Variants in CHFR observed in about 807,000 individuals in gnomAD.
CHFR encodes checkpoint with forkhead and ring finger domains, also known as E3 ubiquitin-protein ligase CHFR.
CHFR carries 57 observed loss-of-function variants against 87.6 expected under a neutral mutation model. That is an observed-to-expected ratio of 0.65 (90% CI 0.53 to 0.81). CHFR has a LOEUF of 0.81. Ranked by LOEUF, CHFR falls within the 30% of genes least tolerant of loss-of-function variation. The pLI, the probability that CHFR is intolerant of heterozygous loss-of-function variation, is 0.00. For missense variants in CHFR, 797 were observed against 865.8 expected (o/e 0.92, Z 1.00); for synonymous variants, 381 against 359.2 (o/e 1.06, Z -0.69).
At position 132,880,618 on chromosome 12, in the gene CHFR, A is replaced by G. The variant is rs201503848; in HGVS notation, c.134-2964T>C. Among the ~76,000 whole-genome samples, 119 of 151,060 alleles carry G rather than the reference A, an allele frequency of 7.9e-4. 3 individuals carry two copies. In the East Asian group the frequency reaches 8.5e-3, roughly 11 times the overall value. On this transcript the variant is annotated intron_variant, in intron 2 of 17. Transcript: ENST00000450056. Reference sequence around the variant, plus strand: ...GCTTGCAGTGAGCCAAGATGGTGCCACTGCACTCCAGCCTGGGCAACAGAG... The same window carrying G: ...GCTTGCAGTGAGCCAAGATGGTGCCGCTGCACTCCAGCCTGGGCAACAGAG...
intron 7 of CHFR, among the ~76,000 whole-genome samples, chr12:132,860,796 C>T (rs916117884): frequency 6.6e-6 from 1 of 152,110 alleles, no homozygotes; most frequent in Admixed American, 6.6e-5. Context: ...CTTGTTGCCC[C>T]GGCTGCAGTG....
rs1332092837 is a variant in CHFR at position 132,847,531 on chromosome 12, T to C, written c.1648-401A>G. ...AACACACACGAGCTGTTGAGCTCCTTCTGTGGGCATCAAAGCAGAGTGTGG... is the reference window on the plus strand; with the variant it reads ...AACACACACGAGCTGTTGAGCTCCTCCTGTGGGCATCAAAGCAGAGTGTGG... On this transcript the variant is annotated intron_variant, in intron 14 of 17. Coordinates refer to ENST00000450056, the MANE Select transcript of CHFR (RefSeq NM_001161346.2). 8 of 1,075,616 alleles carry C rather than the reference T, an allele frequency of 7.4e-6. No homozygotes were observed. The East Asian group carries it at 5.1e-4, about 68-fold the overall frequency. 66.6% of individuals were successfully genotyped at this position (1,075,616 alleles called of 1,614,324 possible). A position where few individuals can be genotyped will look rare whatever the true frequency, so the allele number is the denominator to read the frequency against.
rs1950633709 is a variant in CHFR at position 132,834,593 on chromosome 12, T to A, written c.*6961A>T. 6.6e-6 allele frequency: 1 copy of A among 152,272 alleles called. No homozygotes were observed. The highest frequency in any genetic ancestry group is 2.4e-5 in the African/African-American group (1 of 41,448). The allele number at this position is 152,272 out of a possible 1,614,324, so 9.4% of individuals were successfully genotyped here. A position where few individuals can be genotyped will look rare whatever the true frequency, so the allele number is the denominator to read the frequency against. ...CTGCAGGGAGATCTGTTTTCTTTTC[T>A]GCTTCGACAGCCTGCCCTCCTCTCC... is the stretch of plus-strand genomic sequence containing the variant. On this transcript the variant is annotated 3_prime_UTR_variant, in exon 18 of 18. Transcript: ENST00000450056.
chr12:132,841,600 C>T lies in CHFR; in HGVS notation c.1917-4G>A. The T allele has an allele frequency of 1.2e-6, 2 of 1,613,382 alleles. No homozygotes were observed. The highest frequency in any genetic ancestry group is 1.7e-6 in the Non-Finnish European group (2 of 1,179,374). On this transcript the variant is annotated splice_region_variant and splice_polypyrimidine_tract_variant and intron_variant, in intron 17 of 17. Transcript: ENST00000450056. ...TTCACAGATATGATTGAATTTCCTG[C>T]AGGGAGAAAATGGCCAAATTACACA... is the stretch of plus-strand genomic sequence containing the variant.
chr12:132,868,675 G>T (rs11147122), intron 6 of CHFR, among the ~76,000 whole-genome samples: 2 of 109,420 alleles, frequency 1.8e-5, no homozygotes, highest in African/African-American at 6.4e-5. Context: ...GCGAGACTCC[G>T]TCTCAACAAC....
rs956973617 is a variant in CHFR, at chr12:132,877,613, C to G, written c.175G>C (p.Asp59His). The G allele has an allele frequency of 6.2e-7, 1 of 1,613,628 alleles. No individual in the cohort carries two copies. The highest frequency in any genetic ancestry group is 8.5e-7 in the Non-Finnish European group (1 of 1,179,838). Reference sequence around the variant, plus strand: ...TCATCCACTACAATTCTACAGTGATCTCCAGAGACCAGTTTATTGCTGGGG... The same window carrying G: ...TCATCCACTACAATTCTACAGTGATGTCCAGAGACCAGTTTATTGCTGGGG... Reference protein sequence around the residue: ...SFPSNKLVSGDHCRIVVDEKS... With the variant: ...SFPSNKLVSGHHCRIVVDEKS... Residue 59 changes from aspartate (D) to histidine (H), a missense_variant, in exon 3 of 18, where the codon GAT becomes CAT. Asp to His is a moderately conservative substitution (Grantham distance 81). Coordinates refer to ENST00000450056, the MANE Select transcript of CHFR (RefSeq NM_001161346.2).
chr12:132,879,365 G>A (rs936224806), intron 2 of CHFR, among the ~76,000 whole-genome samples: 1 of 150,974 alleles, frequency 6.6e-6, no homozygotes, highest in South Asian at 2.1e-4. Context: ...GCTGAATACA[G>A]TAATTCTGAC....
At chr12:132,886,072 G>A (rs1390035724) in intron 2 of CHFR, among the ~76,000 whole-genome samples, 1 of 152,172 alleles carries the variant, frequency 6.6e-6, no homozygotes, top group African/African-American at 2.4e-5. Flanking sequence ...AGCACTTTCG[G>A]AGGCCGAAGC....
At chr12:132,858,243 C>T (rs777769771) in intron 8 of CHFR, among the ~76,000 whole-genome samples, 4 of 152,016 alleles carry the variant, frequency 2.6e-5, no homozygotes, top group Non-Finnish European at 4.4e-5. Flanking sequence ...GCCTGTAGTC[C>T]CAGCTACTTG....
In CHFR at chr12:132,848,857, C is replaced by T. The variant is rs567073359; in HGVS notation, c.1493-133G>A. 369 of 654,064 alleles carry T rather than the reference C, an allele frequency of 5.6e-4. 5 individuals are homozygous for T. Among genetic ancestry groups the T allele is most frequent in the South Asian group, 4.1e-3 (190 of 46,298 alleles). 40.5% of individuals were successfully genotyped at this position (654,064 alleles called of 1,614,324 possible). ...AGGAGGGGTCTCATGGAAATCGGGG[C>T]GGGGCCACATCCAGCTAACGCCACC... is the stretch of plus-strand genomic sequence containing the variant. On this transcript the variant is annotated intron_variant, in intron 12 of 17. Coordinates refer to ENST00000450056, the MANE Select transcript of CHFR (RefSeq NM_001161346.2).
chr12:132,886,146 T>C (rs1408615709), intron 2 of CHFR, among the ~76,000 whole-genome samples: 2 of 152,078 alleles, frequency 1.3e-5, no homozygotes, highest in Non-Finnish European at 2.9e-5. Flanking sequence ...AGCTCATCTC[T>C]ACTAAAAATA....
At chr12:132,884,131 A>G (rs996015359) in intron 2 of CHFR, among the ~76,000 whole-genome samples, 3 of 151,790 alleles carry the variant, frequency 2.0e-5, no homozygotes, top group Non-Finnish European at 2.9e-5. Flanking sequence ...AAAAATAAAT[A>G]TATCAGGCCG....
At chr12:132,856,993 G>C in intron 9 of CHFR, among the ~76,000 whole-genome samples, 1 of 145,732 alleles carries the variant, frequency 6.9e-6, no homozygotes, top group Non-Finnish European at 1.5e-5. Flanking sequence ...GTGCCCGGGT[G>C]CTGGTGTGGA....
At position 132,840,441 on chromosome 12, in the gene CHFR, G is replaced by C. The variant is rs1425798710; in HGVS notation, c.*1113C>G. ...ATTGCTGCTTCTCAGTTTCTATCAA[G>C]AGCAAGACAACAGTTGAAAACTGTA... On this transcript the variant is annotated 3_prime_UTR_variant, in exon 18 of 18. Coordinates refer to ENST00000450056, the MANE Select transcript of CHFR (RefSeq NM_001161346.2). 1 of 152,670 alleles carries C rather than the reference G, an allele frequency of 6.6e-6. No individual in the cohort carries two copies. The highest frequency in any genetic ancestry group is 1.5e-5 in the Non-Finnish European group (1 of 68,034). 9.5% of individuals were successfully genotyped at this position (152,670 alleles called of 1,614,324 possible).
chr12:132,854,433 T>C (rs1951017777), intron 10 of CHFR: 1 of 152,164 alleles, frequency 6.6e-6, no homozygotes, highest in Non-Finnish European at 1.5e-5. Context: ...TGTGCACAAA[T>C]ACGGATGGAA....
At chr12:132,876,004 G>A (rs947788314) in intron 3 of CHFR, among the ~76,000 whole-genome samples, 18 of 152,058 alleles carry the variant, frequency 1.2e-4, no homozygotes, top group African/African-American at 3.9e-4. Context: ...GTGAAATCCC[G>A]TCTCTACTAA....
intron 4 of CHFR, among the ~76,000 whole-genome samples, chr12:132,871,257 G>C (rs998464211): frequency 2.6e-5 from 4 of 152,130 alleles, no homozygotes; most frequent in Non-Finnish European, 5.9e-5. Context: ...TTCGAGACCA[G>C]CCTGGCCAAC....
chr12:132,846,922 G>T (rs898791309), intron 15 of CHFR, 121 bp downstream of exon 15: 1 of 724,320 alleles, frequency 1.4e-6, no homozygotes, highest in Non-Finnish European at 2.4e-6. Context: ...AAAGCATCAG[G>T]ATCTTTTTCC....
At chr12:132,872,452 T>G (rs1276513765) in intron 3 of CHFR, 58 bp from the exon 4 acceptor site, 4 of 1,324,666 alleles carry the variant, frequency 3.0e-6, no homozygotes, top group Non-Finnish European at 4.3e-6. Context: ...GTTACAAGAT[T>G]TTTTTTCTAG....
Sources: allele counts gnomAD v4.1 joint callset (sites outside exome capture counted in the v4.1 genomes callset), GRCh38; gene constraint gnomAD v4.1.1; transcripts MANE v1.5; gene names NCBI Gene and HGNC (gene_info 2026-07-23, HGNC 2026-07-21).